The following TEX11 variants were observed in gnomAD, a reference collection of about 807,000 sequenced individuals.
TEX11 encodes testis expressed 11, also known as testis-expressed protein 11.
Under a neutral mutation model 84.4 loss-of-function variants are expected in TEX11, and 7 were observed. The ratio of observed to expected loss-of-function variants is 0.08; its 90% CI spans 0.05 to 0.16. TEX11 has a LOEUF of 0.16. TEX11 is among the 10% of genes least tolerant of loss of function. TEX11 has a pLI of 1.00. For synonymous variants in TEX11, 264 were observed against 222.8 expected (o/e 1.18, Z -1.64); for missense variants, 551 against 660.5 (o/e 0.83, Z 1.82).
At chrX:70,544,598 G>A (rs1328737592) in intron 28 of TEX11, among the ~76,000 whole-genome samples, 3 of 110,101 alleles carry the variant, frequency 2.7e-5, no homozygotes, top group East Asian at 2.9e-4. Flanking sequence ...CCAGCACTTC[G>A]GGAGGTCGAG....
chrX:70,609,116 A>T lies in TEX11; in HGVS notation c.1854T>A (p.Asn618Lys), dbSNP rs1483764414. The change falls in exon 22 of 30, where the codon AAT becomes AAA. Residue 618 changes from asparagine to lysine, a missense_variant. Asn to Lys is a moderately conservative substitution (Grantham distance 94). Transcript: ENST00000374333. ...EEALSLESRA[N>K]EAQWFRKTAW... Reference sequence around the variant, plus strand: ...CTGTTTTTCGAAACCACTGAGCTTCATTAGCTCTTGACTCCAAACTTAAGG... The same window carrying T: ...CTGTTTTTCGAAACCACTGAGCTTCTTTAGCTCTTGACTCCAAACTTAAGG... 1 of 1,205,990 alleles carries T rather than the reference A, an allele frequency of 8.3e-7. No individual in the cohort carries two copies. The highest frequency in any genetic ancestry group is 3.0e-5 in the East Asian group (1 of 33,612).
At chrX:70,753,041 C>T (rs889343128) in intron 9 of TEX11, among the ~76,000 whole-genome samples, 1 of 110,319 alleles carries the variant, frequency 9.1e-6, no homozygotes. Context: ...ATTGCTGATC[C>T]TAGCAGTCAG....
At chrX:70,848,218 G>A (rs2091489496) in intron 7 of TEX11, among the ~76,000 whole-genome samples, 1 of 112,180 alleles carries the variant, frequency 8.9e-6, no homozygotes, top group Non-Finnish European at 1.9e-5. Context: ...TTTTCAAAGA[G>A]GTATATTTGG....
At chrX:70,778,764 A>T (rs1006569597) in intron 9 of TEX11, among the ~76,000 whole-genome samples, 12 of 111,446 alleles carry the variant, frequency 1.1e-4, no homozygotes, top group Non-Finnish European at 1.9e-4. Flanking sequence ...TTTGAAATTT[A>T]AAAAAAACTA....
intron 8 of TEX11, among the ~76,000 whole-genome samples, chrX:70,807,981 G>C (rs2091228781): frequency 9.4e-6 from 1 of 106,901 alleles, no homozygotes; most frequent in Admixed American, 1.0e-4. Context: ...GCAGGTGCCT[G>C]TAATCCGGGC....
Position 70,867,584 on chromosome X carries a change from G to C in TEX11, c.244+5639C>G, listed in dbSNP as rs1025745836. ...TAGCCAAGACAATCCTAAGCAAAAA[G>C]AACAAAACTGGAGGCATCACACTAC... On this transcript the variant is annotated intron_variant, in intron 4 of 29. Coordinates refer to ENST00000374333, the MANE Select transcript of TEX11 (RefSeq NM_031276.3). 5.7e-4 allele frequency among the ~76,000 whole-genome samples: 64 copies of C among 111,419 alleles called. 1 individual carries two copies. Among genetic ancestry groups the C allele is most frequent in the African/African-American group, 2.0e-3 (62 of 30,732 alleles).
At position 70,580,754 on chromosome X, in the gene TEX11, G is replaced by A. The variant is rs1409186662; in HGVS notation, c.2140+10997C>T. On this transcript the variant is annotated intron_variant, in intron 25 of 29. Coordinates refer to ENST00000374333, the MANE Select transcript of TEX11 (RefSeq NM_031276.3). ...TCAAATAAGATAATGTTACTTATAT[G>A]TAATATTTAAGATTATGAAAGATGT... 2.7e-5 allele frequency among the ~76,000 whole-genome samples: 3 copies of A among 111,726 alleles called. No homozygotes were observed. In the East Asian group the frequency reaches 8.3e-4, roughly 31 times the overall value.
chrX:70,578,433 CTTAAA>C (rs1221966858), intron 25 of TEX11, among the ~76,000 whole-genome samples: 15 of 111,709 alleles, frequency 1.3e-4, no homozygotes, highest in African/African-American at 3.9e-4. Context: ...TCATTTTGAA[CTTAAA>C]TTAATCAGTA....
At chrX:70,741,190 C>G (rs1462281479) in intron 10 of TEX11, among the ~76,000 whole-genome samples, 1 of 111,492 alleles carries the variant, frequency 9.0e-6, no homozygotes, top group East Asian at 2.8e-4. Flanking sequence ...TAAGCTCCCC[C>G]AAATGACTTT....
intron 5 of TEX11, 39 bp downstream of exon 5, chrX:70,860,818 T>C (rs1412430206): frequency 5.2e-6 from 5 of 963,945 alleles, no homozygotes; most frequent in Non-Finnish European, 7.4e-6. Flanking sequence ...GTAACAACCA[T>C]CTCATTTCAT....
At chrX:70,619,981 C>T (rs966442451) in intron 20 of TEX11, among the ~76,000 whole-genome samples, 4 of 109,708 alleles carry the variant, frequency 3.6e-5, no homozygotes, top group African/African-American at 6.6e-5. Context: ...CCTGCCACCA[C>T]GCCCAGCTAA....
At chrX:70,523,034 G>A in the TEX11 span, among the ~76,000 whole-genome samples, 2 of 110,642 alleles carry the variant, frequency 1.8e-5, no homozygotes, top group African/African-American at 6.6e-5. Context: ...ACAAATCAAG[G>A]AAGCCTTCAA....
intron 9 of TEX11, among the ~76,000 whole-genome samples, chrX:70,779,995 A>G (rs945677221): frequency 1.8e-5 from 2 of 112,095 alleles, no homozygotes; most frequent in Admixed American, 1.9e-4. Flanking sequence ...GGCCAGGCAC[A>G]GTGGCTCATG....
intron 2 of TEX11, among the ~76,000 whole-genome samples, chrX:70,891,758 T>C (rs985312741): frequency 8.9e-6 from 1 of 111,992 alleles, no homozygotes; most frequent in African/African-American, 3.2e-5. Context: ...TACGATTGAT[T>C]GGTGTACCTG....
the TEX11 span, among the ~76,000 whole-genome samples, chrX:70,520,972 C>T: frequency 8.9e-6 from 1 of 112,114 alleles, no homozygotes; most frequent in Non-Finnish European, 1.9e-5. Flanking sequence ...CCTGGTGTGC[C>T]GTTTGCTAAG....
Position 70,556,558 on chromosome X carries a change from AATG to A in TEX11, c.2141-1761_2141-1759del, listed in dbSNP as rs377157291. 5.7e-3 allele frequency among the ~76,000 whole-genome samples: 640 copies of A among 111,703 alleles called. 3 individuals are homozygous for A. The highest frequency in any genetic ancestry group is 0.02 in the African/African-American group (614 of 30,797). On this transcript the variant is annotated intron_variant, in intron 25 of 29. Transcript: ENST00000374333. ...TTTCGTGGTTCAGAATATGGCTTAC[AATG>A]ATGAATGTTCCTTGTGAATTTGAAA... is the stretch of plus-strand genomic sequence containing the variant.
chrX:70,731,101 C>A (rs1408315927), intron 11 of TEX11, among the ~76,000 whole-genome samples: 1 of 111,867 alleles, frequency 8.9e-6, no homozygotes, highest in East Asian at 2.8e-4. Flanking sequence ...TTCTCTGAAA[C>A]CAATGAGAAC....
At chrX:70,653,904 G>T (rs942146606) in intron 16 of TEX11, among the ~76,000 whole-genome samples, 2 of 111,817 alleles carry the variant, frequency 1.8e-5, no homozygotes, top group Admixed American at 9.5e-5. Context: ...AATCTTAAAT[G>T]CATATTGCTA....
chrX:70,576,643 A>G (rs190513296), intron 25 of TEX11, among the ~76,000 whole-genome samples: 28 of 112,492 alleles, frequency 2.5e-4, no homozygotes, highest in Admixed American at 1.5e-3. Context: ...CACACATTTT[A>G]TAAGAATATA....
Sources: allele counts gnomAD v4.1 joint callset (sites outside exome capture counted in the v4.1 genomes callset), GRCh38; gene constraint gnomAD v4.1.1; transcripts MANE v1.5; gene names NCBI Gene and HGNC (gene_info 2026-07-23, HGNC 2026-07-21).